The following VMP1 variants were observed in gnomAD, a reference collection of about 807,000 sequenced individuals.
VMP1 encodes vacuole membrane protein 1.
Under a neutral mutation model 56.0 loss-of-function variants are expected in VMP1, and 11 were observed. That is an observed-to-expected ratio of 0.20 (90% CI 0.12 to 0.32). VMP1 has a LOEUF of 0.32. Ranked by LOEUF, VMP1 falls within the 10% of genes least tolerant of loss-of-function variation. The pLI, the probability that VMP1 is intolerant of heterozygous loss-of-function variation, is 1.00. For missense variants in VMP1, 296 were observed against 490.3 expected (o/e 0.60, Z 3.74); for synonymous variants, 149 against 165.0 (o/e 0.90, Z 0.74).
At chr17:59,796,138 C>T (rs1234665237) in intron 7 of VMP1, among the ~76,000 whole-genome samples, 5 of 152,210 alleles carry the variant, frequency 3.3e-5, no homozygotes, top group African/African-American at 1.2e-4. Context: ...CTTCCATACA[C>T]ATACCCTAAA....
intron 7 of VMP1, among the ~76,000 whole-genome samples, chr17:59,801,171 A>T (rs2037648916): frequency 6.7e-6 from 1 of 148,608 alleles, no homozygotes; most frequent in Non-Finnish European, 1.5e-5. Flanking sequence ...AGTTATATAT[A>T]GTACATAATA....
chr17:59,751,197 C>T (rs2035630099), intron 5 of VMP1, among the ~76,000 whole-genome samples: 1 of 152,020 alleles, frequency 6.6e-6, no homozygotes, highest in Non-Finnish European at 1.5e-5. Context: ...CTTTTAAGCA[C>T]TCTTTTATTG....
At chr17:59,810,004 A>G (rs958792687) in intron 8 of VMP1, among the ~76,000 whole-genome samples, 10 of 152,210 alleles carry the variant, frequency 6.6e-5, no homozygotes, top group Non-Finnish European at 1.3e-4. Context: ...CCAAATAAGG[A>G]TGACTTCATT....
In VMP1 at chr17:59,790,790, G is replaced by A. The variant is rs762029417; in HGVS notation, c.714+16905G>A. Among the ~76,000 whole-genome samples the A allele has an allele frequency of 2.6e-4, 40 of 151,464 alleles. 1 individual carries two copies. The highest frequency in any genetic ancestry group is 1.9e-3 in the Admixed American group (29 of 15,192). ...TGGGTGACAGGGCAAGCTCCATCTC[G>A]AAAAAAAAGAAAGTTTTAAAGTTTA... On this transcript the variant is annotated intron_variant, in intron 7 of 11. Transcript: ENST00000262291.
intron 7 of VMP1, among the ~76,000 whole-genome samples, chr17:59,801,427 A>C (rs1397914225): frequency 1.4e-5 from 2 of 143,760 alleles, no homozygotes; most frequent in Admixed American, 7.0e-5. Flanking sequence ...TTTTTTTTTT[A>C]ATTAGTTATA....
chr17:59,759,918 T>G (rs1471400179), intron 5 of VMP1, among the ~76,000 whole-genome samples: 1 of 149,378 alleles, frequency 6.7e-6, no homozygotes, highest in Non-Finnish European at 1.5e-5. Context: ...TTTTTTTTTT[T>G]TTTTTGGTAT....
At chr17:59,783,707 A>G (rs760332917) in intron 7 of VMP1, among the ~76,000 whole-genome samples, 2 of 152,110 alleles carry the variant, frequency 1.3e-5, no homozygotes, top group Non-Finnish European at 2.9e-5. Context: ...TTAATTCTTT[A>G]AGGCCTGTTG....
At chr17:59,737,353 G>A in intron 3 of VMP1, 100 bp from the exon 4 acceptor site, 1 of 1,161,110 alleles carries the variant, frequency 8.6e-7, no homozygotes, top group Non-Finnish European at 1.2e-6. Flanking sequence ...CAGCCCAGCT[G>A]AGCTAGGTAA....
rs566199869 is a variant in VMP1, at chr17:59,796,804, A to T, written c.715-11992A>T. On this transcript the variant is annotated intron_variant, in intron 7 of 11. Transcript: ENST00000262291. ...AAATCATTTAGATTTTTTTCAATTGACAGTTATTATCAGTTGGCAAAATGG... is the reference window on the plus strand; with the variant it reads ...AAATCATTTAGATTTTTTTCAATTGTCAGTTATTATCAGTTGGCAAAATGG... Among the ~76,000 whole-genome samples, 12 of 152,278 alleles carry T rather than the reference A, an allele frequency of 7.9e-5. No homozygotes were observed. In the East Asian group the frequency reaches 2.1e-3, roughly 27 times the overall value.
Position 59,749,545 on chromosome 17 carries a change from C to G in VMP1, c.414+10598C>G, listed in dbSNP as rs140722046. 4.3e-3 allele frequency among the ~76,000 whole-genome samples: 652 copies of G among 150,766 alleles called. 7 individuals are homozygous for G. Among genetic ancestry groups the G allele is most frequent in the Non-Finnish European group, 6.5e-3 (440 of 67,766 alleles). ...TTTTTTTTTGAGACAGAGTCTTGCT[C>G]TGTCACCCAAACTGGAGTGCAGTGG... On this transcript the variant is annotated intron_variant, in intron 5 of 11. Transcript: ENST00000262291.
In VMP1 at chr17:59,762,931, T is replaced by C. The variant is rs188819156; in HGVS notation, c.415-2040T>C. 1.0e-3 allele frequency among the ~76,000 whole-genome samples: 159 copies of C among 152,318 alleles called. 2 individuals carry two copies. The highest frequency in any genetic ancestry group is 6.1e-3 in the Admixed American group (94 of 15,292). The stretch of plus-strand genomic sequence containing the variant: ...TGCAAATATAGCTTTTTCTTTCCTA[T>C]CTATCCCAGAAATCTCATTATTTTA... On this transcript the variant is annotated intron_variant, in intron 5 of 11. Coordinates refer to ENST00000262291, the MANE Select transcript of VMP1 (RefSeq NM_030938.5).
chr17:59,778,616 G>A (rs2036713645), intron 7 of VMP1, among the ~76,000 whole-genome samples: 1 of 152,106 alleles, frequency 6.6e-6, no homozygotes, highest in Non-Finnish European at 1.5e-5. Flanking sequence ...TGTAGTGATG[G>A]TGAGGCTTCC....
At chr17:59,746,656 A>G (rs1048593005) in intron 5 of VMP1, among the ~76,000 whole-genome samples, 2 of 152,224 alleles carry the variant, frequency 1.3e-5, no homozygotes, top group Non-Finnish European at 2.9e-5. Context: ...GTGTAAATCA[A>G]GTAATTTGCA....
chr17:59,738,964 T>C lies in VMP1; in HGVS notation c.414+17T>C. ...CTTTATCTGGTAAGAATAATTTTAT[T>C]TTAATAAGCAAAAATGATATTTCCT... On this transcript the variant is annotated intron_variant, in intron 5 of 11. Coordinates refer to ENST00000262291, the MANE Select transcript of VMP1 (RefSeq NM_030938.5). 1 of 1,535,470 alleles carries C rather than the reference T, an allele frequency of 6.5e-7. No individual in the cohort carries two copies. Among genetic ancestry groups the C allele is most frequent in the African/African-American group, 1.4e-5 (1 of 71,108 alleles).
At chr17:59,712,003 A>G (rs553066148) in intron 1 of VMP1, among the ~76,000 whole-genome samples, 56 of 152,180 alleles carry the variant, frequency 3.7e-4, no homozygotes, top group African/African-American at 1.2e-3. Flanking sequence ...TTACTATGCA[A>G]CTCTTGGATT....
chr17:59,814,815 G>C (rs1357739253), intron 9 of VMP1, among the ~76,000 whole-genome samples: 7 of 152,174 alleles, frequency 4.6e-5, no homozygotes, highest in Admixed American at 3.9e-4. Context: ...ACTAAACTAA[G>C]ACCGTGGGAT....
intron 7 of VMP1, 113 bp downstream of exon 7, chr17:59,773,998 A>C (rs1219827680): frequency 2.8e-6 from 3 of 1,086,644 alleles, no homozygotes; most frequent in Non-Finnish European, 3.7e-6. Context: ...TAAAAAAAAA[A>C]AAAAGAAAGA....
At position 59,718,184 on chromosome 17, in the gene VMP1, CTTTTTTTTTT is replaced by C. The variant is rs971095445; in HGVS notation, c.-27+10455_-27+10464del. Reference sequence around the variant, plus strand: ...ACTTCCTTTCTTCCTTCCCTCCCTCCTTTTTTTTTTTTTTTTTTTTTTTTTTTTGTGAGAC... The same window carrying C: ...ACTTCCTTTCTTCCTTCCCTCCCTCCTTTTTTTTTTTTTTTTTTGTGAGAC... On this transcript the variant is annotated intron_variant, in intron 1 of 11. Transcript: ENST00000262291. Among the ~76,000 whole-genome samples the C allele has an allele frequency of 1.7e-3, 137 of 79,280 alleles. 1 individual carries two copies. The highest frequency in any genetic ancestry group is 2.5e-3 in the Non-Finnish European group (99 of 40,048). The allele number at this position is 79,280 out of a possible 152,430, so 52.0% of individuals were successfully genotyped here.
At chr17:59,734,839 A>G (rs1568044238) in intron 2 of VMP1, among the ~76,000 whole-genome samples, 1 of 151,020 alleles carries the variant, frequency 6.6e-6, no homozygotes, top group Non-Finnish European at 1.5e-5. Flanking sequence ...TGTTACTGAA[A>G]CTGTAGATAA....
Sources: allele counts gnomAD v4.1 joint callset (sites outside exome capture counted in the v4.1 genomes callset), GRCh38; gene constraint gnomAD v4.1.1; transcripts MANE v1.5; gene names NCBI Gene and HGNC (gene_info 2026-07-23, HGNC 2026-07-21).